The following GNAS variants were observed in gnomAD, a reference collection of about 807,000 sequenced individuals.
GNAS encodes protein ALEX.
In GNAS, 8 loss-of-function variants were observed where a neutral mutation model predicts 54.5. The observed-to-expected ratio is 0.15, with a 90% CI of 0.09 to 0.26. The LOEUF (loss-of-function observed/expected upper bound fraction) is 0.26. Ranked by LOEUF, GNAS falls within the 10% of genes least tolerant of loss-of-function variation. The pLI is 1.00. For synonymous variants in GNAS, 204 were observed against 191.4 expected (o/e 1.07, Z -0.54); for missense variants, 170 against 529.8 (o/e 0.32, Z 6.67).
intron 1 of GNAS, among the ~76,000 whole-genome samples, chr20:58,860,616 C>A (rs1456013710): frequency 6.6e-6 from 1 of 151,990 alleles, no homozygotes; most frequent in Non-Finnish European, 1.5e-5. Context: ...AGAGTCAGTG[C>A]GTGGTCTTAG....
upstream of GNAS, chr20:58,889,574 C>A: frequency 6.5e-6 from 1 of 152,860 alleles, no homozygotes; most frequent in Non-Finnish European, 1.5e-5. Context: ...GCCATCCGCG[C>A]CTTTGCACTT....
chr20:58,891,892 C>CCGGCCCGGGGGCCCTCGAAGGG (rs2089401994), intron 1 of GNAS, 27 bp downstream of exon 1: 1 of 1,104,660 alleles, frequency 9.1e-7, no homozygotes, highest in Non-Finnish European at 1.1e-6. Flanking sequence ...GGCGCCGGCC[C>CCGGCCCGGGGGCCCTCGAAGGG]CGGCCCGGGG....
At chr20:58,854,858 C>G in intron 1 of GNAS, 1 of 1,597,084 alleles carries the variant, frequency 6.3e-7, no homozygotes, top group Non-Finnish European at 8.5e-7. Context: ...TCAGACCCCC[C>G]AGCCCCGAGA....
chr20:58,848,493 C>T (rs1367239549), intron 1 of GNAS, among the ~76,000 whole-genome samples: 1 of 152,214 alleles, frequency 6.6e-6, no homozygotes, highest in Non-Finnish European at 1.5e-5. Context: ...CCATCCAGCA[C>T]TGGAAAGCTA....
In GNAS at chr20:58,892,895, G is replaced by GC. The variant is rs1294636021; in HGVS notation, c.139+1037dup. On this transcript the variant is annotated intron_variant, in intron 1 of 12. Coordinates refer to ENST00000371085, the MANE Select transcript of GNAS (RefSeq NM_000516.7). ...GCCCCCCCCACCCACCACGAGCAGC[G>GC]CCCCCCCAACACTATTTTAATAAAC... Among the ~76,000 whole-genome samples, 943 of 114,596 alleles carry GC rather than the reference G, an allele frequency of 8.2e-3. 4 individuals carry two copies. The highest frequency in any genetic ancestry group is 0.013 in the Admixed American group (118 of 8,930). 75.2% of individuals were successfully genotyped at this position (114,596 alleles called of 152,430 possible).
At chr20:58,855,666 AG>A in intron 1 of GNAS, 1 of 553,128 alleles carries the variant, frequency 1.8e-6, no homozygotes, top group African/African-American at 2.0e-5. Context: ...ACTGCCGGGG[AG>A]GGGCCCCGGG....
chr20:58,872,291 C>G (rs1180722829), intron 1 of GNAS, among the ~76,000 whole-genome samples: 1 of 152,088 alleles, frequency 6.6e-6, no homozygotes, highest in East Asian at 1.9e-4. Context: ...CCTTATCCCA[C>G]TAAGTGGTTT....
At chr20:58,869,125 G>A (rs1266875305) in intron 1 of GNAS, among the ~76,000 whole-genome samples, 4 of 152,228 alleles carry the variant, frequency 2.6e-5, no homozygotes, top group African/African-American at 9.6e-5. Context: ...AGGCAGGAAA[G>A]CACACGATCA....
intron 1 of GNAS, among the ~76,000 whole-genome samples, chr20:58,893,753 T>C (rs2089759845): frequency 6.6e-6 from 1 of 152,256 alleles, no homozygotes; most frequent in Admixed American, 6.5e-5. Flanking sequence ...GATTTCAAAG[T>C]ATAAATCTGG....
Position 58,909,827 on chromosome 20 carries a change from C to A in GNAS, c.839+23C>A, listed in dbSNP as rs764741694. The A allele has an allele frequency of 1.2e-5, 20 of 1,612,738 alleles. No individual in the cohort carries two copies. The Admixed American group carries it at 3.2e-4, about 26-fold the overall frequency. ...CAGGTTTGTGGAGTGACCGCCCACC[C>A]CCTGCGCTTGCCCAGGAGGCCCTGG... On this transcript the variant is annotated intron_variant, in intron 10 of 12. Transcript: ENST00000371085. The surrounding 1 kb of genome is among the most constrained non-coding windows in gnomAD (Gnocchi z 7.3).
upstream of GNAS, chr20:58,840,806 C>G (rs1032026231): frequency 1.9e-6 from 3 of 1,612,670 alleles, no homozygotes; most frequent in Non-Finnish European, 1.7e-6. The surrounding 1 kb of genome is among the most constrained non-coding windows in gnomAD (Gnocchi z 6.0). Flanking sequence ...CCCGGAGTCC[C>G]CTTCCAAAAA....
upstream of GNAS, chr20:58,840,132 A>C: frequency 6.2e-7 from 1 of 1,611,450 alleles, no homozygotes; most frequent in Non-Finnish European, 8.5e-7. The surrounding 1 kb of genome is among the most constrained non-coding windows in gnomAD (Gnocchi z 6.0). Context: ...CGGGCTCAGC[A>C]GTGGCGCCGA....
intron 1 of GNAS, chr20:58,854,214 G>A: frequency 1.2e-6 from 2 of 1,613,172 alleles, no homozygotes; most frequent in Non-Finnish European, 1.7e-6. Context: ...CGCCCCCGCT[G>A]GGGTCGACGA....
chr20:58,854,883 C>G, intron 1 of GNAS: 1 of 1,593,078 alleles, frequency 6.3e-7, no homozygotes, highest in South Asian at 1.1e-5. Flanking sequence ...GGCTGCCGAT[C>G]CGCCTACTCC....
At chr20:58,888,062 C>T (rs2088715922), upstream of GNAS, among the ~76,000 whole-genome samples, 1 of 152,172 alleles carries the variant, frequency 6.6e-6, no homozygotes, top group Admixed American at 6.5e-5. Context: ...GCCCCATACC[C>T]CTGGGGACTG....
intron 3 of GNAS, among the ~76,000 whole-genome samples, chr20:58,902,404 A>G (rs2146149722): frequency 6.6e-6 from 1 of 152,334 alleles, no homozygotes; most frequent in East Asian, 1.9e-4. Context: ...AATGTGGTAC[A>G]AAAATTAACA....
chr20:58,865,610 C>G (rs1178955276), intron 1 of GNAS, among the ~76,000 whole-genome samples: 1 of 147,372 alleles, frequency 6.8e-6, no homozygotes, highest in Admixed American at 6.8e-5. Context: ...GAGTTTCACT[C>G]TTGTCGCCCA....
rs546889128 is a variant in GNAS at position 58,900,230 on chromosome 20, A to G, written c.257+1245A>G. On this transcript the variant is annotated intron_variant, in intron 3 of 12. Coordinates refer to ENST00000371085, the MANE Select transcript of GNAS (RefSeq NM_000516.7). The stretch of plus-strand genomic sequence containing the variant: ...CTAATTGACAATCTGCTGTACCAAA[A>G]GTTGGCATTTGAGCAAGATATGACA... 25 of 529,736 alleles carry G rather than the reference A, an allele frequency of 4.7e-5. No homozygotes were observed. In the South Asian group the frequency reaches 5.6e-4, roughly 12 times the overall value. The allele number at this position is 529,736 out of a possible 1,614,324, so 32.8% of individuals were successfully genotyped here.
intron 1 of GNAS, among the ~76,000 whole-genome samples, chr20:58,878,915 G>A (rs1214615646): frequency 7.3e-5 from 11 of 151,358 alleles, no homozygotes; most frequent in Admixed American, 2.0e-4. Flanking sequence ...GTGCGGGTGG[G>A]GGGGGGAGGG....
Sources: gnomAD v4.1 joint callset for allele counts (sites outside exome capture counted in the v4.1 genomes callset) on GRCh38, gnomAD v4.1.1 for gene constraint, Gnocchi (gnomAD v3.1) non-coding constraint, MANE v1.5 for transcripts, NCBI Gene and HGNC (gene_info 2026-07-23, HGNC 2026-07-21) for gene names.